Variants in CNTN5 observed in about 807,000 individuals in gnomAD.
The protein encoded by CNTN5 is contactin-5.
CNTN5 carries 77 observed loss-of-function variants against 129.1 expected under a neutral mutation model. The ratio of observed to expected loss-of-function variants is 0.60; its 90% CI spans 0.50 to 0.72. The LOEUF is 0.72. CNTN5 is among the 30% of genes least tolerant of loss of function. The pLI, the probability that CNTN5 is intolerant of heterozygous loss-of-function variation, is 0.00. For missense variants in CNTN5, 1,478 were observed against 1,328.8 expected, an observed-to-expected ratio of 1.11 and a Z score of -1.75; for synonymous variants, 509 against 465.6, an observed-to-expected ratio of 1.09 and a Z score of -1.20.
At chr11:99,463,231 G>C in intron 2 of CNTN5, among the ~76,000 whole-genome samples, 1 of 151,098 alleles carries the variant, frequency 6.6e-6, no homozygotes, top group East Asian at 1.9e-4. Flanking sequence ...GAGGTCAGGA[G>C]ATCGAGACCA....
At chr11:99,284,990 T>C (rs1435656764) in intron 1 of CNTN5, among the ~76,000 whole-genome samples, 1 of 152,112 alleles carries the variant, frequency 6.6e-6, no homozygotes, top group Non-Finnish European at 1.5e-5. Flanking sequence ...GATTGCTATA[T>C]ATGAATTTCT....
chr11:99,262,592 CTTT>C (rs1043956807), intron 1 of CNTN5, among the ~76,000 whole-genome samples: 4 of 145,050 alleles, frequency 2.8e-5, no homozygotes, highest in Middle Eastern at 3.7e-3. Context: ...TCATAGACTT[CTTT>C]GTTTCTTTTT....
At chr11:99,841,808 G>T (rs900595677) in intron 4 of CNTN5, among the ~76,000 whole-genome samples, 2 of 129,470 alleles carry the variant, frequency 1.5e-5, no homozygotes, top group Admixed American at 1.6e-4. Context: ...TATGTGGTGT[G>T]TGTGTATATA....
intron 13 of CNTN5, among the ~76,000 whole-genome samples, chr11:100,157,203 G>A (rs1021495743): frequency 1.3e-5 from 2 of 151,678 alleles, no homozygotes; most frequent in African/African-American, 4.8e-5. Flanking sequence ...AGTACATAAT[G>A]AAGTATAAAC....
rs1948585183 is a variant in CNTN5, at chr11:100,194,582, T to C, written c.1884+919T>C. On this transcript the variant is annotated intron_variant, in intron 15 of 24. Transcript: ENST00000524871. Reference sequence around the variant, plus strand: ...AACTCAGTGTCAATTGGATTTTATTTTAAAGGTTATGGGATACAAGGAAAA... The same window carrying C: ...AACTCAGTGTCAATTGGATTTTATTCTAAAGGTTATGGGATACAAGGAAAA... Among the ~76,000 whole-genome samples the C allele has an allele frequency of 2.0e-5, 3 of 151,306 alleles. No individual in the cohort carries two copies. In the South Asian group the frequency reaches 6.2e-4, roughly 31 times the overall value.
intron 3 of CNTN5, among the ~76,000 whole-genome samples, chr11:99,629,676 TTAC>T (rs148343648): frequency 4.1e-5 from 1 of 24,632 alleles, no homozygotes; most frequent in African/African-American, 8.2e-5. Flanking sequence ...ACCTTAATTC[TTAC>T]TACTCGATGT....
chr11:99,571,719 AATG>A (rs1478910082), intron 3 of CNTN5, among the ~76,000 whole-genome samples: 1 of 152,164 alleles, frequency 6.6e-6, no homozygotes, highest in African/African-American at 2.4e-5. Flanking sequence ...GGTTTATCAT[AATG>A]AAGTATGGGT....
chr11:99,658,246 TA>T (rs1388035632), intron 3 of CNTN5, among the ~76,000 whole-genome samples: 1 of 152,112 alleles, frequency 6.6e-6, no homozygotes, highest in Non-Finnish European at 1.5e-5. Flanking sequence ...GCAGGGTGTT[TA>T]GAGTATATGA....
intron 3 of CNTN5, among the ~76,000 whole-genome samples, chr11:99,797,850 T>C (rs189437136): frequency 1.1e-4 from 17 of 152,314 alleles, no homozygotes; most frequent in African/African-American, 3.4e-4. Flanking sequence ...ACTTTTATTA[T>C]AATTTATTAT....
At chr11:100,281,298 C>A (rs1478496874) in intron 18 of CNTN5, among the ~76,000 whole-genome samples, 2 of 152,098 alleles carry the variant, frequency 1.3e-5, no homozygotes, top group African/African-American at 4.8e-5. Context: ...AATCCCTCAG[C>A]TTTCTTTGTC....
chr11:99,968,656 CTTTTTTTTTTTTTTTTTT>C (rs71050037), intron 8 of CNTN5, among the ~76,000 whole-genome samples: 7 of 73,870 alleles, frequency 9.5e-5, no homozygotes, highest in East Asian at 5.5e-4. Flanking sequence ...GCTTTGGGTA[CTTTTTTTTTTTTTTTTTT>C]TTTTTTTTTT....
chr11:99,710,494 C>T (rs1297453058), intron 3 of CNTN5, among the ~76,000 whole-genome samples: 1 of 151,540 alleles, frequency 6.6e-6, no homozygotes, highest in African/African-American at 2.4e-5. Context: ...GATGGTAAGA[C>T]TGAATAGTTC....
intron 15 of CNTN5, among the ~76,000 whole-genome samples, chr11:100,198,908 T>C (rs933426368): frequency 5.9e-5 from 9 of 151,962 alleles, no homozygotes; most frequent in African/African-American, 2.2e-4. Context: ...CTCTAGCCTA[T>C]ATTAATTTTC....
intron 2 of CNTN5, among the ~76,000 whole-genome samples, chr11:99,368,868 A>C (rs181283187): frequency 6.6e-6 from 1 of 152,108 alleles, no homozygotes; most frequent in East Asian, 1.9e-4. Context: ...GCTGTAACAA[A>C]ACGTAAGAGT....
intron 9 of CNTN5, among the ~76,000 whole-genome samples, chr11:100,039,114 T>C (rs1463267355): frequency 6.6e-6 from 1 of 152,218 alleles, no homozygotes; most frequent in Non-Finnish European, 1.5e-5. Context: ...TTCCGGTTGT[T>C]CCTTTCCATG....
chr11:99,585,119 A>G (rs1949749836), intron 3 of CNTN5, among the ~76,000 whole-genome samples: 1 of 152,226 alleles, frequency 6.6e-6, no homozygotes, highest in African/African-American at 2.4e-5. Context: ...ACAAAATCAC[A>G]CATGGATAAA....
At chr11:99,168,130 G>T (rs564569061) in intron 1 of CNTN5, among the ~76,000 whole-genome samples, 1 of 152,122 alleles carries the variant, frequency 6.6e-6, no homozygotes, top group African/African-American at 2.4e-5. Flanking sequence ...TTTTTGTAGC[G>T]ACAGACTTCC....
chr11:99,596,799 T>C (rs919194303), intron 3 of CNTN5, among the ~76,000 whole-genome samples: 20 of 152,158 alleles, frequency 1.3e-4, no homozygotes, highest in African/African-American at 4.6e-4. Flanking sequence ...AAACTAAAGA[T>C]GTCCATCAGG....
intron 13 of CNTN5, among the ~76,000 whole-genome samples, chr11:100,185,839 C>G (rs1356948385): frequency 1.3e-5 from 2 of 152,190 alleles, no homozygotes; most frequent in African/African-American, 4.8e-5. Context: ...GCCAGGAAGA[C>G]AGACAGCCCT....
Sources: allele counts gnomAD v4.1 joint callset (sites outside exome capture counted in the v4.1 genomes callset), GRCh38; gene constraint gnomAD v4.1.1; transcripts MANE v1.5; gene names NCBI Gene and HGNC (gene_info 2026-07-23, HGNC 2026-07-21).